GRM8: variants seen among roughly 807,000 people sequenced by gnomAD.
GRM8 encodes the protein metabotropic glutamate receptor 8.
A neutral mutation model predicts 87.2 loss-of-function variants in GRM8; 47 were observed. The ratio of observed to expected loss-of-function variants is 0.54; its 90% CI spans 0.43 to 0.69. The LOEUF (loss-of-function observed/expected upper bound fraction) is 0.69. Among genes scored for constraint, GRM8 ranks in the 30% least tolerant of loss-of-function variants. The pLI is 0.00. For synonymous variants in GRM8, 396 were observed against 404.5 expected (o/e 0.98, Z 0.25); for missense variants, 1,019 against 1,139.2 (o/e 0.89, Z 1.52).
chr7:127,040,617 A>C (rs1172725994), intron 3 of GRM8, among the ~76,000 whole-genome samples: 1 of 136,246 alleles, frequency 7.3e-6, no homozygotes, highest in Non-Finnish European at 1.6e-5. Context: ...AAAAAAAAAA[A>C]AGAGACTGGC....
intron 3 of GRM8, among the ~76,000 whole-genome samples, chr7:126,988,914 C>A (rs1210846984): frequency 6.6e-6 from 1 of 152,186 alleles, no homozygotes; most frequent in Non-Finnish European, 1.5e-5. Context: ...GGAAGACAAA[C>A]TCCCTCCTAG....
chr7:126,652,685 C>T (rs957675912), intron 7 of GRM8, among the ~76,000 whole-genome samples: 1 of 152,188 alleles, frequency 6.6e-6, no homozygotes, highest in Non-Finnish European at 1.5e-5. Context: ...CCAAGTTCTT[C>T]AGCTTTGGGG....
At position 126,439,151 on chromosome 7, in the gene GRM8, T is replaced by C. The variant is rs754996874; in HGVS notation, c.2695A>G (p.Thr899Ala). 4 of 1,565,204 alleles carry C rather than the reference T, an allele frequency of 2.6e-6. No homozygotes were observed. In the South Asian group the frequency reaches 3.3e-5, roughly 13 times the overall value. Residue 899 changes from threonine (T) to alanine (A), a missense_variant, in exon 11 of 11, where the codon ACA (threonine) becomes GCA (alanine). Thr to Ala is a moderately conservative substitution (Grantham distance 58). Transcript: ENST00000339582. ...GAATGATTGCTGTAACTGATATATG[T>C]TGTCTTGGTAGAGGAAGCTGTTAAG... ...LETNTSSTKT[T>A]YISYSNHSI
chr7:126,974,936 C>CAAAAAAAAAAAAA (rs36129145), intron 3 of GRM8, among the ~76,000 whole-genome samples: 1 of 59,606 alleles, frequency 1.7e-5, no homozygotes, highest in African/African-American at 6.7e-5. Flanking sequence ...ACTCTTGTCT[C>CAAAAAAAAAAAAA]AAAAAAAAAA....
chr7:126,844,797 C>A (rs1438386582), intron 6 of GRM8, among the ~76,000 whole-genome samples: 2 of 152,158 alleles, frequency 1.3e-5, no homozygotes, highest in African/African-American at 4.8e-5. Flanking sequence ...ATCTCTCTTA[C>A]TCTTCTTCTT....
intron 7 of GRM8, among the ~76,000 whole-genome samples, chr7:126,655,054 T>C (rs908877555): frequency 1.3e-5 from 2 of 152,062 alleles, no homozygotes; most frequent in African/African-American, 4.8e-5. Context: ...GCCAGAAAAG[T>C]AAAAAAAGAA....
At chr7:126,551,532 C>T (rs1243224790) in intron 8 of GRM8, among the ~76,000 whole-genome samples, 1 of 152,120 alleles carries the variant, frequency 6.6e-6, no homozygotes, top group East Asian at 1.9e-4. Flanking sequence ...TTCCAATGTC[C>T]TGCTGACCAA....
At chr7:126,553,883 A>G (rs1186274116) in intron 8 of GRM8, among the ~76,000 whole-genome samples, 1 of 152,190 alleles carries the variant, frequency 6.6e-6, no homozygotes, top group Admixed American at 6.5e-5. Context: ...AGCTGAAGGC[A>G]TTTTGGATTT....
At chr7:126,891,913 C>A (rs1254989577) in intron 6 of GRM8, among the ~76,000 whole-genome samples, 2 of 148,262 alleles carry the variant, frequency 1.3e-5, no homozygotes, top group East Asian at 4.1e-4. Flanking sequence ...ATTTAATCCA[C>A]AAATATTTTA....
intron 7 of GRM8, among the ~76,000 whole-genome samples, chr7:126,617,462 G>A (rs1252801070): frequency 6.6e-6 from 1 of 152,140 alleles, no homozygotes; most frequent in African/African-American, 2.4e-5. Context: ...TTTGAAAACT[G>A]GCACAAGACA....
chr7:126,544,664 C>T (rs777815093), intron 8 of GRM8, among the ~76,000 whole-genome samples: 4 of 152,044 alleles, frequency 2.6e-5, no homozygotes. Flanking sequence ...TGCACGCCAC[C>T]ACGCCCTGCT....
intron 7 of GRM8, among the ~76,000 whole-genome samples, chr7:126,673,756 C>G (rs1444870873): frequency 1.8e-4 from 28 of 152,212 alleles, no homozygotes; most frequent in Non-Finnish European, 1.2e-4. Flanking sequence ...GCTCCAAATT[C>G]TAACATTTAA....
chr7:126,798,482 C>T (rs1822243315), intron 6 of GRM8, among the ~76,000 whole-genome samples: 1 of 152,106 alleles, frequency 6.6e-6, no homozygotes, highest in African/African-American at 2.4e-5. Flanking sequence ...TAAGGCCACA[C>T]CCAGGATCAT....
rs574728985 is a variant in GRM8, at chr7:127,028,181, G to A, written c.727+78315C>T. 3.3e-5 allele frequency among the ~76,000 whole-genome samples: 5 copies of A among 152,348 alleles called. No homozygotes were observed. In the Middle Eastern group the frequency reaches 0.014, roughly 415 times the overall value. ...GCCTTGCTTGCATCCCAGGGATGAAGCCAACTTGATCATGGCAGATAAGCT... is the reference window on the plus strand; with the variant it reads ...GCCTTGCTTGCATCCCAGGGATGAAACCAACTTGATCATGGCAGATAAGCT... On this transcript the variant is annotated intron_variant, in intron 3 of 10. Transcript: ENST00000339582.
intron 3 of GRM8, among the ~76,000 whole-genome samples, chr7:126,944,174 C>T (rs550168644): frequency 1.3e-4 from 20 of 152,318 alleles, no homozygotes; most frequent in Admixed American, 1.2e-3. Context: ...ATGGGCATTC[C>T]TCTGACCACC....
At chr7:126,910,946 T>A (rs1305137938) in intron 3 of GRM8, among the ~76,000 whole-genome samples, 3 of 152,164 alleles carry the variant, frequency 2.0e-5, no homozygotes, top group African/African-American at 7.2e-5. Context: ...AGTTTCCTCA[T>A]CTCTGTAATG....
At chr7:126,719,068 G>C (rs1163621657) in intron 7 of GRM8, among the ~76,000 whole-genome samples, 1 of 152,184 alleles carries the variant, frequency 6.6e-6, no homozygotes, top group Non-Finnish European at 1.5e-5. Context: ...TCTTAGATTA[G>C]CTACTGAAAA....
intron 7 of GRM8, among the ~76,000 whole-genome samples, chr7:126,766,380 C>T (rs1818192297): frequency 6.6e-6 from 1 of 152,088 alleles, no homozygotes; most frequent in Non-Finnish European, 1.5e-5. Flanking sequence ...AGAAATGTAT[C>T]CTGATATCTA....
At chr7:127,157,207 A>AG (rs60873224) in intron 2 of GRM8, among the ~76,000 whole-genome samples, 101,284 of 151,396 alleles carry the variant, frequency 0.67, 34,887 homozygotes, top group African/African-American at 0.76. Context: ...AGAACAAATA[A>AG]GAAAGAGGAG....
Sources: gnomAD v4.1 joint callset for allele counts (sites outside exome capture counted in the v4.1 genomes callset) on GRCh38, gnomAD v4.1.1 for gene constraint, MANE v1.5 for transcripts, NCBI Gene and HGNC (gene_info 2026-07-23, HGNC 2026-07-21) for gene names.